Variants in LINGO2 observed in about 807,000 individuals in gnomAD.
The protein encoded by LINGO2 is leucine-rich repeat and immunoglobulin-like domain-containing nogo receptor-interacting protein 2.
A neutral mutation model predicts 30.6 loss-of-function variants in LINGO2; 14 were observed. That is an observed-to-expected ratio of 0.46 (90% confidence interval 0.30 to 0.72). The LOEUF (loss-of-function observed/expected upper bound fraction) is 0.72, where lower values mean the gene tolerates loss of function less well. LINGO2 is among the 30% of genes least tolerant of loss of function. LINGO2 has a pLI of 0.07. For missense variants in LINGO2, 729 were observed against 751.7 expected (o/e 0.97, Z 0.35); for synonymous variants, 317 against 288.5 (o/e 1.10, Z -1.00).
intron 2 of LINGO2, among the ~76,000 whole-genome samples, chr9:28,407,688 C>T (rs537718056): frequency 1.3e-5 from 2 of 152,106 alleles, no homozygotes; most frequent in Middle Eastern, 3.4e-3. Flanking sequence ...GTTGAAAAAG[C>T]GGGGAGAAGG....
intron 1 of LINGO2, among the ~76,000 whole-genome samples, chr9:28,508,226 A>T (rs1300223535): frequency 1.3e-5 from 2 of 152,134 alleles, no homozygotes; most frequent in Non-Finnish European, 2.9e-5. Context: ...TTCAAAAAAA[A>T]TCATTACATC....
At chr9:28,257,982 T>C (rs1239899023) in intron 4 of LINGO2, among the ~76,000 whole-genome samples, 1 of 151,986 alleles carries the variant, frequency 6.6e-6, no homozygotes, top group Non-Finnish European at 1.5e-5. Context: ...AGCAGTCACA[T>C]AGGTAAGCAA....
chr9:28,476,434 C>A (rs1322915331), intron 1 of LINGO2, among the ~76,000 whole-genome samples: 2 of 152,108 alleles, frequency 1.3e-5, no homozygotes, highest in African/African-American at 2.4e-5. Context: ...CGCCACCACG[C>A]CCGGCTAATT....
chr9:27,958,957 A>G (rs1163089093), intron 5 of LINGO2, among the ~76,000 whole-genome samples: 1 of 152,154 alleles, frequency 6.6e-6, no homozygotes, highest in Admixed American at 6.5e-5. Context: ...ATACAAATTG[A>G]TTTCTTTGGC....
At chr9:28,320,661 T>C (rs1825007403) in intron 3 of LINGO2, among the ~76,000 whole-genome samples, 2 of 152,144 alleles carry the variant, frequency 1.3e-5, no homozygotes, top group African/African-American at 4.8e-5. Flanking sequence ...TACTATATAG[T>C]ACAGTTTAAT....
chr9:29,175,564 T>C, the LINGO2 span, among the ~76,000 whole-genome samples: 1 of 143,434 alleles, frequency 7.0e-6, no homozygotes, highest in African/African-American at 2.6e-5. Context: ...TCTCGTTCTG[T>C]CACCCAGGAT....
chr9:27,960,612 A>T (rs1040338156), intron 5 of LINGO2, among the ~76,000 whole-genome samples: 6 of 133,924 alleles, frequency 4.5e-5, no homozygotes, highest in Admixed American at 2.9e-4. Context: ...TTTGTGGTAT[A>T]TCTTTTTTTT....
the LINGO2 span, among the ~76,000 whole-genome samples, chr9:28,787,671 ATTCC>A: frequency 1.3e-5 from 2 of 152,282 alleles, no homozygotes; most frequent in South Asian, 4.1e-4. Flanking sequence ...TAGTATGATT[ATTCC>A]TAACACCACT....
chr9:28,880,094 C>A, the LINGO2 span, among the ~76,000 whole-genome samples: 1 of 152,092 alleles, frequency 6.6e-6, no homozygotes, highest in African/African-American at 2.4e-5. Flanking sequence ...TTGAACTCTG[C>A]CCTTAGAAGA....
the LINGO2 span, chr9:27,939,434 A>G: frequency 6.6e-6 from 1 of 152,184 alleles, no homozygotes; most frequent in Admixed American, 6.6e-5. Flanking sequence ...TCTTGAGACC[A>G]CTGAAGCACA....
chr9:28,374,210 T>TATATATATATATATA (rs1554713024), intron 2 of LINGO2, among the ~76,000 whole-genome samples: 1 of 130,568 alleles, frequency 7.7e-6, no homozygotes, highest in Admixed American at 8.0e-5. Flanking sequence ...ATGTTTTTAT[T>TATATATATATATATA]TATATATATA....
chr9:28,959,018 T>C, the LINGO2 span, among the ~76,000 whole-genome samples: 6 of 152,152 alleles, frequency 3.9e-5, no homozygotes, highest in Non-Finnish European at 1.5e-5. Flanking sequence ...AACACAATCA[T>C]TGGAGAAATC....
At chr9:28,343,710 G>A (rs1819453715) in intron 3 of LINGO2, among the ~76,000 whole-genome samples, 1 of 152,118 alleles carries the variant, frequency 6.6e-6, no homozygotes. Flanking sequence ...ACAAGAAAGT[G>A]CAGGTCAAAA....
chr9:27,950,391 G>A (rs373082561), exon 6 of LINGO2: 1 of 1,614,096 alleles, frequency 6.2e-7, no homozygotes, highest in Non-Finnish European at 8.5e-7. Context: ...TTCCACATTG[G>A]CAATGATGTT....
chr9:28,095,023 T>C (rs983224181), intron 4 of LINGO2, among the ~76,000 whole-genome samples: 2 of 152,124 alleles, frequency 1.3e-5, no homozygotes, highest in African/African-American at 4.8e-5. Context: ...TTAGTAACCA[T>C]CTAATTAGAA....
intron 2 of LINGO2, among the ~76,000 whole-genome samples, chr9:28,447,525 G>A (rs945613718): frequency 3.3e-5 from 5 of 152,132 alleles, no homozygotes; most frequent in African/African-American, 1.2e-4. Flanking sequence ...TTTCATTATA[G>A]CAGCCCAGGT....
chr9:28,672,382 A>G (rs552884320), upstream of LINGO2, among the ~76,000 whole-genome samples: 1 of 152,284 alleles, frequency 6.6e-6, no homozygotes, highest in Admixed American at 6.5e-5. Context: ...TTTATAATTT[A>G]TAAATTCACA....
At chr9:28,714,620 G>C in the LINGO2 span, among the ~76,000 whole-genome samples, 2 of 152,144 alleles carry the variant, frequency 1.3e-5, no homozygotes, top group Non-Finnish European at 2.9e-5. Flanking sequence ...TAATGAGCAA[G>C]ATAAAATCCT....
intron 4 of LINGO2, among the ~76,000 whole-genome samples, chr9:28,035,213 G>A (rs1823873435): frequency 2.0e-5 from 3 of 152,188 alleles, no homozygotes. Flanking sequence ...TGCTAACTCG[G>A]TTGATAAGTG....
Sources: allele counts gnomAD v4.1 joint callset (sites outside exome capture counted in the v4.1 genomes callset), GRCh38; gene constraint gnomAD v4.1.1; transcripts MANE v1.5; gene names NCBI Gene and HGNC (gene_info 2026-07-23, HGNC 2026-07-21).